RIMS1: variants seen among roughly 807,000 people sequenced by gnomAD.
RIMS1 encodes regulating synaptic membrane exocytosis 1, also known as regulating synaptic membrane exocytosis protein 1.
A neutral mutation model predicts 214.1 loss-of-function variants in RIMS1; 83 were observed. That is an observed-to-expected ratio of 0.39 (90% CI 0.32 to 0.47). The LOEUF (loss-of-function observed/expected upper bound fraction) is 0.47. Among genes scored for constraint, RIMS1 ranks in the 20% least tolerant of loss-of-function variants. The pLI is 0.99. For synonymous variants in RIMS1, 793 were observed against 786.8 expected, an observed-to-expected ratio of 1.01 and a Z score of -0.13; for missense variants, 2,050 against 2,161.8, an observed-to-expected ratio of 0.95 and a Z score of 1.03.
In RIMS1 at chr6:72,239,307, T is replaced by C. The variant is rs147449366; in HGVS notation, c.1957+1385T>C. Among the ~76,000 whole-genome samples the C allele has an allele frequency of 3.8e-3, 574 of 152,310 alleles. 2 individuals are homozygous for C. The highest frequency in any genetic ancestry group is 0.012 in the African/African-American group (497 of 41,586). ...GGGGTGTTCTATATAAAATATCTGT[T>C]AGTGATTCATTTCATTTAACACCCT... On this transcript the variant is annotated intron_variant, in intron 9 of 33. Coordinates refer to ENST00000521978, the MANE Select transcript of RIMS1 (RefSeq NM_014989.7).
intron 8 of RIMS1, among the ~76,000 whole-genome samples, chr6:72,237,135 G>A (rs1342781390): frequency 1.1e-4 from 17 of 151,816 alleles, no homozygotes; most frequent in Admixed American, 1.1e-3. Flanking sequence ...GAGCCTGGGA[G>A]TTCACGGCTG....
chr6:72,145,167 G>T (rs2042578873), intron 4 of RIMS1, among the ~76,000 whole-genome samples: 1 of 152,078 alleles, frequency 6.6e-6, no homozygotes, highest in Non-Finnish European at 1.5e-5. Flanking sequence ...TTTAAAATTG[G>T]CTTTGATGGA....
intron 26 of RIMS1, among the ~76,000 whole-genome samples, chr6:72,298,722 A>G (rs897503752): frequency 5.3e-5 from 8 of 151,912 alleles, no homozygotes; most frequent in Non-Finnish European, 4.4e-5. Flanking sequence ...TGTAACAATC[A>G]CCACTCAGCA....
intron 29 of RIMS1, among the ~76,000 whole-genome samples, chr6:72,362,157 A>AT (rs934702246): frequency 5.3e-5 from 8 of 151,612 alleles, no homozygotes; most frequent in East Asian, 3.9e-4. Context: ...AGGGAAAGGG[A>AT]TTTTTTTTTC....
rs555935152 is a variant in RIMS1, at chr6:72,214,667, A to G, written c.1679-19106A>G. On this transcript the variant is annotated intron_variant, in intron 6 of 33. Transcript: ENST00000521978. The stretch of plus-strand genomic sequence containing the variant: ...GCACAACAATAGACACATGCAGTGT[A>G]TTAAAATGTTTTATTTCAGTTGACT... Among the ~76,000 whole-genome samples the G allele has an allele frequency of 2.6e-5, 4 of 152,288 alleles. No individual in the cohort carries two copies. In the South Asian group the frequency reaches 6.2e-4, roughly 24 times the overall value.
rs2079844903 is a variant in RIMS1 at position 72,265,072 on chromosome 6, G to A, written c.3194+20G>A. On this transcript the variant is annotated intron_variant, in intron 20 of 33. Transcript: ENST00000521978. ...TTACAGGTAAGAGCCCTAACAGTGA[G>A]TCCCACCCAGTTATAAAGTAATTCC... 8 of 1,392,976 alleles carry A rather than the reference G, an allele frequency of 5.7e-6. No homozygotes were observed. Among genetic ancestry groups the A allele is most frequent in the African/African-American group, 1.4e-5 (1 of 70,106 alleles). The allele number at this position is 1,392,976 out of a possible 1,614,324, so 86.3% of individuals were successfully genotyped here.
At position 72,392,820 on chromosome 6, in the gene RIMS1, A is replaced by ATT; in HGVS notation, c.4618+19_4618+20dup. The ATT allele has an allele frequency of 1.4e-4, 206 of 1,451,030 alleles. No individual in the cohort carries two copies. Among genetic ancestry groups the ATT allele is most frequent in the Non-Finnish European group, 1.8e-4 (188 of 1,056,714 alleles). 89.9% of individuals were successfully genotyped at this position (1,451,030 alleles called of 1,614,324 possible). A position where few individuals can be genotyped will look rare whatever the true frequency, so the allele number is the denominator to read the frequency against. On this transcript the variant is annotated intron_variant, in intron 31 of 33. Coordinates refer to ENST00000521978, the MANE Select transcript of RIMS1 (RefSeq NM_014989.7). The stretch of plus-strand genomic sequence containing the variant: ...GCCACCCCTGCAATGGGTAAGAATC[A>ATT]TTTTTTTTTTCTACAAGAAAATTGA...
intron 29 of RIMS1, among the ~76,000 whole-genome samples, chr6:72,362,373 G>A (rs898818862): frequency 6.6e-6 from 1 of 151,956 alleles, no homozygotes; most frequent in Non-Finnish European, 1.5e-5. Flanking sequence ...CTCCAAGTCG[G>A]GACATCATGG....
At chr6:72,163,637 C>A (rs2045807126) in intron 4 of RIMS1, among the ~76,000 whole-genome samples, 1 of 140,796 alleles carries the variant, frequency 7.1e-6, no homozygotes, top group Admixed American at 7.2e-5. Context: ...TTGGAGTTTG[C>A]TGGAGGTCTA....
chr6:72,192,657 C>T (rs766387099), intron 6 of RIMS1, among the ~76,000 whole-genome samples: 2 of 152,156 alleles, frequency 1.3e-5, no homozygotes, highest in African/African-American at 2.4e-5. Flanking sequence ...CAGGCTATTC[C>T]GATTGCTGCT....
rs2044850395 is a variant in RIMS1, at chr6:72,158,892, G to A, written c.472-20683G>A. Among the ~76,000 whole-genome samples the A allele has an allele frequency of 1.4e-5, 2 of 140,400 alleles. 1 individual carries two copies. Among genetic ancestry groups the A allele is most frequent in the Non-Finnish European group, 3.2e-5 (2 of 61,860 alleles). The allele number at this position is 140,400 out of a possible 152,430, so 92.1% of individuals were successfully genotyped here. A position where few individuals can be genotyped will look rare whatever the true frequency, so the allele number is the denominator to read the frequency against. Reference sequence around the variant, plus strand: ...TATGTGTGCATGTGTCTTTATAGCAGCATGATTTATAATCCTTTGGGTATA... The same window carrying A: ...TATGTGTGCATGTGTCTTTATAGCAACATGATTTATAATCCTTTGGGTATA... On this transcript the variant is annotated intron_variant, in intron 4 of 33. Coordinates refer to ENST00000521978, the MANE Select transcript of RIMS1 (RefSeq NM_014989.7).
chr6:72,233,523 C>A (rs1402347352), intron 6 of RIMS1, among the ~76,000 whole-genome samples: 2 of 145,766 alleles, frequency 1.4e-5, no homozygotes, highest in African/African-American at 2.5e-5. Context: ...TTTTTCTGTA[C>A]ATTTATATGT....
intron 2 of RIMS1, among the ~76,000 whole-genome samples, chr6:71,997,413 T>TA (rs1803787661): frequency 6.6e-6 from 1 of 152,154 alleles, no homozygotes; most frequent in Admixed American, 6.5e-5. Flanking sequence ...AGCCATAAAA[T>TA]AAAATAGCCA....
intron 27 of RIMS1, among the ~76,000 whole-genome samples, chr6:72,312,984 C>A (rs983241337): frequency 6.6e-6 from 1 of 151,930 alleles, no homozygotes; most frequent in Non-Finnish European, 1.5e-5. Flanking sequence ...TATATATTTT[C>A]CAGTTGAGCA....
At chr6:72,074,916 G>A (rs1831429789) in intron 2 of RIMS1, among the ~76,000 whole-genome samples, 1 of 152,176 alleles carries the variant, frequency 6.6e-6, no homozygotes, top group South Asian at 2.1e-4. Context: ...CTGTGCAATT[G>A]TAGTTATCCT....
intron 1 of RIMS1, among the ~76,000 whole-genome samples, chr6:71,934,893 T>C (rs1784033407): frequency 6.6e-6 from 1 of 152,212 alleles, no homozygotes; most frequent in Non-Finnish European, 1.5e-5. Context: ...TCTTCTAGAA[T>C]TAATGTGTAT....
In RIMS1 at chr6:72,117,486, T is replaced by C. The variant is rs542409122; in HGVS notation, c.471+17500T>C. Among the ~76,000 whole-genome samples the C allele has an allele frequency of 5.3e-5, 8 of 152,048 alleles. No homozygotes were observed. The East Asian group carries it at 1.4e-3, about 26-fold the overall frequency. ...GTGGAATATTAAAGCCTCTCACTAT[T>C]ATGGTTCTCATCAGCACATGTAACA... is the stretch of plus-strand genomic sequence containing the variant. On this transcript the variant is annotated intron_variant, in intron 4 of 33. Transcript: ENST00000521978.
intron 2 of RIMS1, among the ~76,000 whole-genome samples, chr6:72,043,374 A>C (rs1165232707): frequency 6.6e-6 from 1 of 151,892 alleles, no homozygotes; most frequent in Non-Finnish European, 1.5e-5. Context: ...TTTTAAAAGA[A>C]AATCAAACAA....
chr6:72,235,622 C>G lies in RIMS1; in HGVS notation c.1751C>G (p.Pro584Arg). The change falls in exon 8 of 34, where the codon CCT becomes CGT. Residue 584 changes from proline (P) to arginine (R), a missense_variant. Physicochemically the swap from Pro to Arg is moderately radical, Grantham distance 103 (BLOSUM62 -2). This residue lies in a region of RIMS1 where 882 missense variants were observed against 828.9 expected (regional missense o/e 1.06). Transcript: ENST00000521978. ...SRETSPISSH[P>R]VTWQPSKEGD... ...AACTCATTCATGTTTTAACAGCATCCTGTAACGTGGCAACCATCTAAAGAG... is the reference window on the plus strand; with the variant it reads ...AACTCATTCATGTTTTAACAGCATCGTGTAACGTGGCAACCATCTAAAGAG... 1 of 1,604,784 alleles carries G rather than the reference C, an allele frequency of 6.2e-7. No individual in the cohort carries two copies. The highest frequency in any genetic ancestry group is 8.5e-7 in the Non-Finnish European group (1 of 1,173,624).
Sources: allele counts gnomAD v4.1 joint callset (sites outside exome capture counted in the v4.1 genomes callset), GRCh38; gene constraint gnomAD v4.1.1; regional missense constraint gnomAD v4.1.1; transcripts MANE v1.5; gene names NCBI Gene and HGNC (gene_info 2026-07-23, HGNC 2026-07-21).